PTPN4: variants seen among roughly 807,000 people sequenced by gnomAD.
PTPN4 encodes protein tyrosine phosphatase non-receptor type 4, also known as tyrosine-protein phosphatase non-receptor type 4.
In PTPN4, 49 loss-of-function variants were observed where a neutral mutation model predicts 135.5. The ratio of observed to expected loss-of-function variants is 0.36; its 90% CI spans 0.29 to 0.46. The LOEUF is 0.46. Among genes scored for constraint, PTPN4 ranks in the 20% least tolerant of loss-of-function variants. The pLI, the probability that PTPN4 is intolerant of heterozygous loss-of-function variation, is 1.00. For synonymous variants in PTPN4, 333 were observed against 369.9 expected (o/e 0.90, Z 1.14); for missense variants, 860 against 1,101.0 (o/e 0.78, Z 3.10).
intron 2 of PTPN4, among the ~76,000 whole-genome samples, chr2:119,828,041 C>A (rs1438058139): frequency 6.6e-6 from 1 of 152,174 alleles, no homozygotes; most frequent in East Asian, 1.9e-4. Context: ...TCATAAGAAG[C>A]CTTGCAGCTT....
At chr2:119,918,112 A>G (rs946545268) in intron 11 of PTPN4, among the ~76,000 whole-genome samples, 5 of 152,234 alleles carry the variant, frequency 3.3e-5, no homozygotes, top group African/African-American at 1.2e-4. Context: ...TGAACTATAT[A>G]TGTTAGTGCA....
chr2:119,946,721 T>C, intron 18 of PTPN4, 147 bp downstream of exon 18: 1 of 654,900 alleles, frequency 1.5e-6, no homozygotes, highest in Middle Eastern at 4.2e-4. Context: ...TTTAAGTTGC[T>C]GGGAAGTTAG....
intron 9 of PTPN4, among the ~76,000 whole-genome samples, chr2:119,895,916 C>CA (rs534245263): frequency 0.021 from 2,307 of 110,936 alleles, 59 homozygotes; most frequent in African/African-American, 0.061. Flanking sequence ...GACTCTGTCT[C>CA]AAAAAAAAAA....
intron 1 of PTPN4, among the ~76,000 whole-genome samples, chr2:119,793,414 T>C (rs1023119488): frequency 3.3e-5 from 5 of 152,226 alleles, no homozygotes; most frequent in African/African-American, 1.2e-4. Flanking sequence ...CTTTTTTCAA[T>C]GTGCTGAGAT....
chr2:119,904,804 C>T (rs1019657010), intron 10 of PTPN4, among the ~76,000 whole-genome samples: 1 of 151,962 alleles, frequency 6.6e-6, no homozygotes, highest in African/African-American at 2.4e-5. Context: ...GCAAATCTAC[C>T]CTTCAGAAGT....
intron 9 of PTPN4, among the ~76,000 whole-genome samples, chr2:119,889,212 G>A (rs1222481630): frequency 1.3e-5 from 2 of 152,174 alleles, no homozygotes; most frequent in South Asian, 2.1e-4. Context: ...GAGGTCAGGA[G>A]ATTGAGACCA....
In PTPN4 at chr2:119,984,072, T is replaced by G. The variant is rs1679731445; in HGVS notation, c.*7002T>G. On this transcript the variant is annotated 3_prime_UTR_variant, in exon 27 of 27. Transcript: ENST00000263708. ...TTATTTTCTGCCAGTAGACTCTATC[T>G]GCTTAAAAAAATAAAAATTGTTCAA... Among the ~76,000 whole-genome samples, 1 of 152,210 alleles carries G rather than the reference T, an allele frequency of 6.6e-6. No homozygotes were observed. The highest frequency in any genetic ancestry group is 1.5e-5 in the Non-Finnish European group (1 of 68,026).
chr2:119,806,757 A>C (rs1462728285), intron 1 of PTPN4, among the ~76,000 whole-genome samples: 1 of 152,154 alleles, frequency 6.6e-6, no homozygotes, highest in East Asian at 1.9e-4. Context: ...CTCCACCCCA[A>C]ATCAGCAGAA....
intron 3 of PTPN4, among the ~76,000 whole-genome samples, chr2:119,876,905 G>A (rs979970991): frequency 1.4e-5 from 2 of 138,538 alleles, no homozygotes; most frequent in African/African-American, 3.3e-5. Context: ...GCATGTGTGT[G>A]TGTGTGTGTG....
chr2:119,932,607 G>A, intron 14 of PTPN4, 58 bp downstream of exon 14: 1 of 1,493,014 alleles, frequency 6.7e-7, no homozygotes, highest in Non-Finnish European at 9.1e-7. Context: ...TCTAATTATT[G>A]GCTGTATATT....
intron 8 of PTPN4, among the ~76,000 whole-genome samples, chr2:119,885,233 A>T (rs1280457982): frequency 6.6e-6 from 1 of 152,226 alleles, no homozygotes; most frequent in Admixed American, 6.5e-5. Flanking sequence ...GGAGAAAGAA[A>T]ACAAAGACGT....
intron 15 of PTPN4, among the ~76,000 whole-genome samples, chr2:119,935,739 C>G (rs968155331): frequency 1.3e-5 from 2 of 151,952 alleles, no homozygotes; most frequent in African/African-American, 4.8e-5. Context: ...TCTAAACTTT[C>G]CAGTTGATTT....
chr2:119,847,329 T>TATATA (rs59629850), intron 2 of PTPN4, among the ~76,000 whole-genome samples: 222 of 64,476 alleles, frequency 3.4e-3, no homozygotes, highest in African/African-American at 0.011. Flanking sequence ...TATATATATA[T>TATATA]TTTTTTTTTT....
chr2:119,831,732 T>C (rs1677222681), intron 2 of PTPN4, among the ~76,000 whole-genome samples: 1 of 152,242 alleles, frequency 6.6e-6, no homozygotes, highest in African/African-American at 2.4e-5. Context: ...TCAATCTACC[T>C]ATATCATTAT....
chr2:119,879,279 A>G (rs966224706), intron 5 of PTPN4, among the ~76,000 whole-genome samples: 20 of 152,220 alleles, frequency 1.3e-4, no homozygotes, highest in African/African-American at 4.8e-4. Context: ...CATTGAAAAC[A>G]TAATAAGGAA....
chr2:119,949,765 C>A (rs1429699829), intron 18 of PTPN4, among the ~76,000 whole-genome samples: 1 of 151,966 alleles, frequency 6.6e-6, no homozygotes, highest in East Asian at 1.9e-4. Flanking sequence ...ATCACTTGAG[C>A]CCAGGAGATC....
intron 2 of PTPN4, among the ~76,000 whole-genome samples, chr2:119,849,450 A>G (rs1181289842): frequency 6.6e-6 from 1 of 152,106 alleles, no homozygotes; most frequent in Non-Finnish European, 1.5e-5. Flanking sequence ...ACAGGCACAC[A>G]GAAACACATC....
At chr2:119,816,283 G>A (rs192704946) in intron 2 of PTPN4, among the ~76,000 whole-genome samples, 52 of 152,212 alleles carry the variant, frequency 3.4e-4, no homozygotes, top group Middle Eastern at 3.4e-3. Context: ...TAGGCACAGC[G>A]GTAGGCACTT....
intron 2 of PTPN4, among the ~76,000 whole-genome samples, chr2:119,844,353 C>G (rs1276451238): frequency 5.1e-5 from 3 of 59,162 alleles, no homozygotes; most frequent in East Asian, 3.3e-4. Context: ...GGGCTGACCC[C>G]CCCCCCCCAC....
Sources: allele counts gnomAD v4.1 joint callset (sites outside exome capture counted in the v4.1 genomes callset), GRCh38; gene constraint gnomAD v4.1.1; transcripts MANE v1.5; gene names NCBI Gene and HGNC (gene_info 2026-07-23, HGNC 2026-07-21).